MACROD2: variants seen among roughly 807,000 people sequenced by gnomAD.
The protein encoded by MACROD2 is ADP-ribose glycohydrolase MACROD2.
A neutral mutation model predicts 70.4 loss-of-function variants in MACROD2; 36 were observed. The observed-to-expected ratio is 0.51, with a 90% confidence interval of 0.39 to 0.68. The LOEUF (loss-of-function observed/expected upper bound fraction) is 0.68. MACROD2 is among the 30% of genes least tolerant of loss of function. The probability of loss-of-function intolerance (pLI) is 0.00; values close to 1 mark genes in which losing one functional copy is unlikely to be tolerated. For synonymous variants in MACROD2, 172 were observed against 178.8 expected (o/e 0.96, Z 0.30); for missense variants, 496 against 538.4 (o/e 0.92, Z 0.78).
chr20:14,407,030 A>G (rs13433146), intron 3 of MACROD2, among the ~76,000 whole-genome samples: 3 of 151,952 alleles, frequency 2.0e-5, no homozygotes, highest in Non-Finnish European at 4.4e-5. Context: ...AGATAGTTTT[A>G]TAGTCCTAAT....
At chr20:15,802,229 A>G (rs11908002) in intron 8 of MACROD2, among the ~76,000 whole-genome samples, 10,201 of 152,158 alleles carry the variant, frequency 0.067, 896 homozygotes, top group African/African-American at 0.19. Context: ...AGAAATTCCA[A>G]TACTATGTTG....
chr20:14,837,171 T>C (rs868464744), intron 5 of MACROD2, among the ~76,000 whole-genome samples: 8 of 152,066 alleles, frequency 5.3e-5, no homozygotes, highest in East Asian at 1.9e-4. Context: ...AATAAATATC[T>C]AGAAAATAAT....
chr20:14,010,793 C>G (rs936662657), intron 2 of MACROD2, among the ~76,000 whole-genome samples: 26 of 152,030 alleles, frequency 1.7e-4, no homozygotes, highest in Non-Finnish European at 3.4e-4. Flanking sequence ...AACCCTTCAC[C>G]CCCTACCCTT....
At chr20:15,078,977 C>T (rs894071875) in intron 5 of MACROD2, among the ~76,000 whole-genome samples, 3 of 152,212 alleles carry the variant, frequency 2.0e-5, no homozygotes, top group Non-Finnish European at 2.9e-5. Flanking sequence ...TGAGGCCTGG[C>T]TGTCTCCAAA....
intron 8 of MACROD2, among the ~76,000 whole-genome samples, chr20:15,611,713 A>G (rs767612054): frequency 2.0e-5 from 3 of 151,252 alleles, no homozygotes; most frequent in Non-Finnish European, 4.4e-5. Context: ...TGCAGTATTC[A>G]TTTGTTCTTG....
intron 8 of MACROD2, among the ~76,000 whole-genome samples, chr20:15,582,366 A>G (rs538808481): frequency 6.6e-6 from 1 of 152,190 alleles, no homozygotes; most frequent in East Asian, 1.9e-4. Flanking sequence ...GTATTCAGCT[A>G]GACCCTGGGA....
intron 8 of MACROD2, among the ~76,000 whole-genome samples, chr20:15,755,247 G>A (rs935576053): frequency 1.3e-5 from 2 of 152,190 alleles, no homozygotes; most frequent in Non-Finnish European, 2.9e-5. Flanking sequence ...GAGCACATGA[G>A]CATAAGGCTG....
chr20:15,586,142 G>C (rs900944146), intron 8 of MACROD2, among the ~76,000 whole-genome samples: 5 of 152,160 alleles, frequency 3.3e-5, no homozygotes, highest in African/African-American at 1.2e-4. Flanking sequence ...TATTTGATCT[G>C]TTAATCCAGC....
intron 7 of MACROD2, among the ~76,000 whole-genome samples, chr20:15,491,376 C>T (rs1485116147): frequency 1.3e-5 from 2 of 152,194 alleles, no homozygotes; most frequent in Non-Finnish European, 2.9e-5. Context: ...AGACATGACA[C>T]CTCATTGTCT....
chr20:14,120,911 T>G, intron 3 of MACROD2, among the ~76,000 whole-genome samples: 2 of 143,374 alleles, frequency 1.4e-5, no homozygotes, highest in South Asian at 2.2e-4. Flanking sequence ...CTGTTATGGG[T>G]GGGGGGTGAG....
At chr20:15,094,435 A>G (rs560436540) in intron 5 of MACROD2, among the ~76,000 whole-genome samples, 2 of 152,210 alleles carry the variant, frequency 1.3e-5, no homozygotes, top group East Asian at 3.9e-4. Flanking sequence ...TAGTAGAGGA[A>G]TAAGGTTTTC....
chr20:15,297,522 C>A (rs1210654786), intron 6 of MACROD2, among the ~76,000 whole-genome samples: 3 of 152,140 alleles, frequency 2.0e-5, no homozygotes, highest in African/African-American at 4.8e-5. Flanking sequence ...AGAAAGAGGG[C>A]AGGGGAGGTG....
At chr20:14,775,191 T>C (rs1325793246) in intron 5 of MACROD2, among the ~76,000 whole-genome samples, 2 of 152,136 alleles carry the variant, frequency 1.3e-5, no homozygotes, top group African/African-American at 4.8e-5. Flanking sequence ...ATCTCATTTT[T>C]CCTTATGACA....
intron 3 of MACROD2, among the ~76,000 whole-genome samples, chr20:14,231,935 C>A (rs1343629658): frequency 2.6e-5 from 4 of 152,156 alleles, no homozygotes; most frequent in Non-Finnish European, 5.9e-5. Flanking sequence ...GCATAAATGT[C>A]TTCCTTTGAG....
chr20:14,705,587 A>G (rs78866758), intron 5 of MACROD2, among the ~76,000 whole-genome samples: 2,363 of 152,270 alleles, frequency 0.016, 55 homozygotes, highest in African/African-American at 0.053. Flanking sequence ...AGACTGGGCC[A>G]TCTATTTTAT....
At chr20:14,529,145 G>A (rs534358724) in intron 4 of MACROD2, among the ~76,000 whole-genome samples, 11 of 152,212 alleles carry the variant, frequency 7.2e-5, no homozygotes, top group East Asian at 1.9e-4. Context: ...AGATGAGATC[G>A]TCTGTATGAG....
intron 3 of MACROD2, among the ~76,000 whole-genome samples, chr20:14,484,152 T>A (rs190645004): frequency 6.6e-6 from 1 of 152,226 alleles, no homozygotes; most frequent in African/African-American, 2.4e-5. Flanking sequence ...GCTATACTTA[T>A]GCATGCTAAA....
At chr20:15,546,207 T>C (rs2048024327) in intron 8 of MACROD2, among the ~76,000 whole-genome samples, 1 of 152,128 alleles carries the variant, frequency 6.6e-6, no homozygotes, top group African/African-American at 2.4e-5. Flanking sequence ...ATTGCACCAT[T>C]GCACTCCAGC....
At chr20:14,437,378 A>G (rs1449179144) in intron 3 of MACROD2, among the ~76,000 whole-genome samples, 1 of 152,136 alleles carries the variant, frequency 6.6e-6, no homozygotes, top group Non-Finnish European at 1.5e-5. Context: ...GTGAGTCACA[A>G]GGTCAGGAGT....
Sources: allele counts gnomAD v4.1 joint callset (sites outside exome capture counted in the v4.1 genomes callset), GRCh38; gene constraint gnomAD v4.1.1; transcripts MANE v1.5; gene names NCBI Gene and HGNC (gene_info 2026-07-23, HGNC 2026-07-21).